Variants in CLVS1 observed in about 807,000 individuals in gnomAD.
CLVS1 encodes the protein clavesin 1.
A neutral mutation model predicts 33.1 loss-of-function variants in CLVS1; 10 were observed. The observed-to-expected ratio is 0.30, with a 90% CI of 0.19 to 0.51. The LOEUF is 0.51. Among genes scored for constraint, CLVS1 ranks in the 20% least tolerant of loss-of-function variants. The pLI is 0.97. For synonymous variants in CLVS1, 163 were observed against 166.1 expected, an observed-to-expected ratio of 0.98 and a Z score of 0.14; for missense variants, 343 against 433.4, an observed-to-expected ratio of 0.79 and a Z score of 1.85.
At chr8:61,166,197 G>A (rs1483799333) in intron 2 of CLVS1, among the ~76,000 whole-genome samples, 2 of 151,452 alleles carry the variant, frequency 1.3e-5, no homozygotes, top group Admixed American at 6.6e-5. Context: ...GCACGATCTC[G>A]GCTCACTGCA....
At chr8:61,402,212 G>A (rs1317133656) in intron 3 of CLVS1, among the ~76,000 whole-genome samples, 5 of 152,028 alleles carry the variant, frequency 3.3e-5, no homozygotes, top group Non-Finnish European at 7.4e-5. Flanking sequence ...GGCAAATGGA[G>A]TTGTTCTAGG....
At chr8:61,483,188 C>A (rs1233999694) in intron 5 of CLVS1, among the ~76,000 whole-genome samples, 1 of 152,100 alleles carries the variant, frequency 6.6e-6, no homozygotes, top group African/African-American at 2.4e-5. Flanking sequence ...AATTGATAGA[C>A]CACTAGCAAG....
At chr8:61,415,264 G>A (rs1358319121) in intron 3 of CLVS1, among the ~76,000 whole-genome samples, 1 of 152,228 alleles carries the variant, frequency 6.6e-6, no homozygotes, top group Non-Finnish European at 1.5e-5. Context: ...AGCAAAGGGG[G>A]CAGCCTCTGA....
At chr8:61,092,798 T>C (rs1304759312) in intron 1 of CLVS1, among the ~76,000 whole-genome samples, 2 of 152,226 alleles carry the variant, frequency 1.3e-5, no homozygotes, top group African/African-American at 4.8e-5. Flanking sequence ...CCATCTGCAA[T>C]CTTAATTCCC....
At chr8:61,126,943 C>T (rs1805984815) in intron 1 of CLVS1, among the ~76,000 whole-genome samples, 1 of 152,194 alleles carries the variant, frequency 6.6e-6, no homozygotes, top group African/African-American at 2.4e-5. Context: ...CCATCGTCAA[C>T]CAATTTCTGT....
intron 2 of CLVS1, among the ~76,000 whole-genome samples, chr8:61,187,719 A>C (rs1373583935): frequency 5.9e-5 from 9 of 151,590 alleles, no homozygotes; most frequent in Non-Finnish European, 1.2e-4. Context: ...AAACAGCTAA[A>C]ATGAATATAT....
chr8:61,078,354 C>T (rs1804963245), intron 1 of CLVS1, among the ~76,000 whole-genome samples: 1 of 152,200 alleles, frequency 6.6e-6, no homozygotes, highest in African/African-American at 2.4e-5. Context: ...ACGGGGACAC[C>T]TGGCTACTTA....
At chr8:61,414,711 C>A (rs973740916) in intron 3 of CLVS1, among the ~76,000 whole-genome samples, 1 of 152,178 alleles carries the variant, frequency 6.6e-6, no homozygotes, top group African/African-American at 2.4e-5. Context: ...GAAAGAGAAA[C>A]ACCCTCAAGG....
chr8:61,163,044 G>C (rs79192552), intron 2 of CLVS1, among the ~76,000 whole-genome samples: 9,280 of 152,186 alleles, frequency 0.061, 405 homozygotes, highest in African/African-American at 0.13. Flanking sequence ...GTCATTTCAG[G>C]CTTTGTTGCC....
At chr8:61,210,909 G>A (rs1807957104) in intron 2 of CLVS1, among the ~76,000 whole-genome samples, 1 of 152,040 alleles carries the variant, frequency 6.6e-6, no homozygotes, top group African/African-American at 2.4e-5. Context: ...GAAAGAGCCT[G>A]GAGGAACAGC....
chr8:61,278,910 C>T (rs1033508608), intron 2 of CLVS1, among the ~76,000 whole-genome samples: 4 of 152,166 alleles, frequency 2.6e-5, no homozygotes, highest in Non-Finnish European at 4.4e-5. Flanking sequence ...GGTGCATTGA[C>T]AGCACAAGCT....
intron 5 of CLVS1, among the ~76,000 whole-genome samples, chr8:61,498,606 G>A (rs1284159427): frequency 1.3e-5 from 2 of 152,098 alleles, no homozygotes; most frequent in African/African-American, 4.8e-5. Flanking sequence ...TATTACTCCA[G>A]TATAAAAGGA....
At chr8:61,225,455 G>T (rs1052129716) in intron 2 of CLVS1, among the ~76,000 whole-genome samples, 1 of 152,096 alleles carries the variant, frequency 6.6e-6, no homozygotes, top group Admixed American at 6.5e-5. Flanking sequence ...ATCATACTTT[G>T]TTATTTTTAA....
In CLVS1 at chr8:61,070,587, C is replaced by T. The variant is rs1804774661; in HGVS notation, c.-243+13357C>T. Among the ~76,000 whole-genome samples, 3 of 152,218 alleles carry T rather than the reference C, an allele frequency of 2.0e-5. No homozygotes were observed. In the South Asian group the frequency reaches 6.2e-4, roughly 32 times the overall value. ...GGGTGTGGTGGCTCATGCCTGTAAT[C>T]CCAGTACTCTGGGAGGCCAAGGCAG... On this transcript the variant is annotated intron_variant, in intron 1 of 2. Transcript: ENST00000522621.
intron 1 of CLVS1, among the ~76,000 whole-genome samples, chr8:61,069,576 C>A (rs1804752470): frequency 6.6e-6 from 1 of 152,094 alleles, no homozygotes; most frequent in Non-Finnish European, 1.5e-5. Context: ...CTTGTGTCTT[C>A]CTCTGCATCT....
intron 5 of CLVS1, among the ~76,000 whole-genome samples, chr8:61,493,544 G>A (rs1804168717): frequency 6.6e-6 from 1 of 152,134 alleles, no homozygotes; most frequent in Admixed American, 6.5e-5. Flanking sequence ...ATTCACCCAA[G>A]ATCACAAAGC....
intron 2 of CLVS1, among the ~76,000 whole-genome samples, chr8:61,148,375 A>C (rs747485184): frequency 9.2e-5 from 14 of 152,224 alleles, no homozygotes; most frequent in Admixed American, 2.6e-4. Flanking sequence ...ATCCTAAATG[A>C]CAACATCCAC....
intron 3 of CLVS1, among the ~76,000 whole-genome samples, chr8:61,452,818 G>C (rs545051159): frequency 6.6e-6 from 1 of 152,126 alleles, no homozygotes; most frequent in African/African-American, 2.4e-5. Flanking sequence ...AAAATGTCTA[G>C]GTAGAGGAAA....
intron 2 of CLVS1, among the ~76,000 whole-genome samples, chr8:61,185,143 G>GC (rs376138569): frequency 4.9e-5 from 7 of 143,852 alleles, no homozygotes; most frequent in Admixed American, 6.8e-5. Context: ...AGAGAGTATA[G>GC]TTTTTGTTTT....
Sources: allele counts gnomAD v4.1 joint callset (sites outside exome capture counted in the v4.1 genomes callset), GRCh38; gene constraint gnomAD v4.1.1; transcripts MANE v1.5; gene names NCBI Gene and HGNC (gene_info 2026-07-23, HGNC 2026-07-21).